The following IGF2R variants were observed in gnomAD, a reference collection of about 807,000 sequenced individuals.
IGF2R encodes insulin like growth factor 2 receptor.
A neutral mutation model predicts 270.6 loss-of-function variants in IGF2R; 91 were observed. That is an observed-to-expected ratio of 0.34 (90% CI 0.28 to 0.40). The LOEUF (loss-of-function observed/expected upper bound fraction) is 0.40. Ranked by LOEUF, IGF2R falls within the 10% of genes least tolerant of loss-of-function variation. The pLI is 1.00. For synonymous variants in IGF2R, 1,316 were observed against 1,258.9 expected (o/e 1.05, Z -0.96); for missense variants, 2,805 against 3,188.3 (o/e 0.88, Z 2.90).
At chr6:160,048,075 C>T (rs1390369912) in intron 17 of IGF2R, among the ~76,000 whole-genome samples, 168 bp downstream of exon 17, 1 of 152,168 alleles carries the variant, frequency 6.6e-6, no homozygotes, top group Non-Finnish European at 1.5e-5. Context: ...ACTGTCTGGT[C>T]GCCTTTGGGA....
intron 5 of IGF2R, among the ~76,000 whole-genome samples, chr6:160,026,126 C>A (rs1024921259): frequency 6.6e-6 from 1 of 152,150 alleles, no homozygotes; most frequent in Non-Finnish European, 1.5e-5. Context: ...ATCCTCAGGG[C>A]GCTTGCTGTG....
intron 44 of IGF2R, among the ~76,000 whole-genome samples, chr6:160,092,537 G>T (rs964113320): frequency 2.6e-5 from 4 of 152,268 alleles, no homozygotes; most frequent in East Asian, 3.8e-4. Context: ...GCCCCAGGAA[G>T]TAGCTTTAGT....
chr6:160,003,168 T>C (rs1784156551), intron 2 of IGF2R: 1 of 152,364 alleles, frequency 6.6e-6, no homozygotes, highest in Admixed American at 6.5e-5. Flanking sequence ...CTGATTCTTG[T>C]ATGCACTCAC....
Position 160,090,102 on chromosome 6 carries a change from A to T in IGF2R, c.6654A>T (p.Gln2218His), listed in dbSNP as rs1268230836. 2 of 1,465,970 alleles carry T rather than the reference A, an allele frequency of 1.4e-6. No individual in the cohort carries two copies. The highest frequency in any genetic ancestry group is 2.9e-5 in the African/African-American group (2 of 69,092). The allele number at this position is 1,465,970 out of a possible 1,614,324, so 90.8% of individuals were successfully genotyped here. A position where few individuals can be genotyped will look rare whatever the true frequency, so the allele number is the denominator to read the frequency against. The change falls in exon 44 of 48, where the codon CAA becomes CAT. Residue 2218 changes from glutamine (Q) to histidine (H), a missense_variant and splice_region_variant. Transcript: ENST00000356956. ...GTSDKTKYYL[Q>H]DGDLDVVFAS... ...CTGACAAGACCAAGTACTACCTTCA[A>T]GGTAATCCGTGGCTTCCCACAAAGT... is the stretch of plus-strand genomic sequence containing the variant.
chr6:160,017,551 A>G (rs1056189508), intron 4 of IGF2R, among the ~76,000 whole-genome samples: 3 of 152,212 alleles, frequency 2.0e-5, no homozygotes, highest in Admixed American at 1.3e-4. Context: ...CTTCACCACA[A>G]CATATAGCCA....
intron 36 of IGF2R, among the ~76,000 whole-genome samples, chr6:160,076,725 T>C (rs1435216810): frequency 6.6e-6 from 1 of 152,236 alleles, no homozygotes; most frequent in East Asian, 1.9e-4. Flanking sequence ...CTCTGAAAAC[T>C]TGGGGCTCCT....
rs1779583134 is a variant in IGF2R, at chr6:160,105,019, A to C, written c.7411A>C (p.Thr2471Pro). 1 of 1,613,086 alleles carries C rather than the reference A, an allele frequency of 6.2e-7. No individual in the cohort carries two copies. The highest frequency in any genetic ancestry group is 1.3e-5 in the African/African-American group (1 of 74,916). ...GAAGTCCAGCTCTGCACAGCAGAAG[A>C]CAGTGAGCTCCACCAAGCTGGTGTC... ...KGKSSSAQQK[T>P]VSSTKLVSFH... Residue 2471 changes from threonine (T) to proline (P), a missense_variant, in exon 48 of 48, where the codon ACA becomes CCA. Physicochemically the swap from Thr to Pro is conservative, Grantham distance 38 (BLOSUM62 -1). Around this residue, in one of 2 missense-constraint regions of IGF2R, gnomAD observed 1,851 missense variants for 2,207.2 expected, o/e 0.84. Transcript: ENST00000356956.
intron 1 of IGF2R, among the ~76,000 whole-genome samples, chr6:159,969,749 A>G (rs1209948157): frequency 6.6e-6 from 1 of 152,178 alleles, no homozygotes; most frequent in Non-Finnish European, 1.5e-5. Flanking sequence ...AGTTGGAGGC[A>G]GGAACTCCAG....
At chr6:160,008,396 C>T (rs1432439286) in intron 2 of IGF2R, among the ~76,000 whole-genome samples, 1 of 152,128 alleles carries the variant, frequency 6.6e-6, no homozygotes, top group Non-Finnish European at 1.5e-5. Flanking sequence ...CGATTGGTCT[C>T]TATTCTAGTC....
intron 28 of IGF2R, 97 bp downstream of exon 28, chr6:160,064,628 C>A: frequency 7.2e-7 from 1 of 1,383,908 alleles, no homozygotes; most frequent in Non-Finnish European, 1.0e-6. Context: ...CTCATCAAAT[C>A]TCCTGGTTAA....
intron 1 of IGF2R, among the ~76,000 whole-genome samples, chr6:159,972,534 C>G (rs946610058): frequency 1.3e-5 from 2 of 152,138 alleles, no homozygotes; most frequent in African/African-American, 2.4e-5. Flanking sequence ...GGAAAACTAC[C>G]TCTCCTCCCA....
In IGF2R at chr6:160,090,082, A is replaced by G. The variant is rs371139566; in HGVS notation, c.6634A>G (p.Lys2212Glu). The change falls in exon 44 of 48, where the codon AAG (lysine) becomes GAG (glutamate). Residue 2212 changes from lysine to glutamate, a missense_variant. Physicochemically the swap from Lys to Glu is moderately conservative, Grantham distance 56. Coordinates refer to ENST00000356956, the MANE Select transcript of IGF2R (RefSeq NM_000876.4). Reference protein sequence around the residue: ...HFSRKVGTSDKTKYYLQDGDL... With the variant: ...HFSRKVGTSDETKYYLQDGDL... ...CAGTCGGAAAGTTGGAACCTCTGAC[A>G]AGACCAAGTACTACCTTCAAGGTAA... 5 of 1,562,602 alleles carry G rather than the reference A, an allele frequency of 3.2e-6. No individual in the cohort carries two copies. The African/African-American group carries it at 5.5e-5, about 17-fold the overall frequency.
At chr6:160,031,407 A>G (rs1482537263) in intron 7 of IGF2R, among the ~76,000 whole-genome samples, 1 of 151,992 alleles carries the variant, frequency 6.6e-6, no homozygotes, top group East Asian at 1.9e-4. Flanking sequence ...GAACTGTGCA[A>G]CCATCATCAC....
At chr6:160,051,084 A>G (rs1388015807) in intron 19 of IGF2R, among the ~76,000 whole-genome samples, 1 of 152,184 alleles carries the variant, frequency 6.6e-6, no homozygotes, top group East Asian at 1.9e-4. Flanking sequence ...GAGAAAAGAC[A>G]TTAAAATTTT....
rs761551519 is a variant in IGF2R, at chr6:160,068,061, GGGGGGT to G, written c.4116-186_4116-181del. 1.6e-3 allele frequency among the ~76,000 whole-genome samples: 61 copies of G among 39,126 alleles called. 1 individual carries two copies. Among genetic ancestry groups the G allele is most frequent in the African/African-American group, 4.1e-3 (48 of 11,716 alleles). 25.7% of individuals were successfully genotyped at this position (39,126 alleles called of 152,430 possible). ...AAGTTATGTTGTTGCTGATTCTGATGGGGGGTGTGTGTGTGTGTGTGTGTGTGTGTG... is the reference window on the plus strand; with the variant it reads ...AAGTTATGTTGTTGCTGATTCTGATGGTGTGTGTGTGTGTGTGTGTGTGTG... On this transcript the variant is annotated intron_variant, in intron 29 of 47. Transcript: ENST00000356956.
intron 25 of IGF2R, 77 bp downstream of exon 25, chr6:160,062,005 CTA>C: frequency 7.1e-7 from 1 of 1,399,236 alleles, no homozygotes; most frequent in South Asian, 1.3e-5. Flanking sequence ...TCTGAATCTT[CTA>C]TCTTGTTTAA....
Position 160,073,923 on chromosome 6 carries a change from C to G in IGF2R, c.5114C>G (p.Pro1705Arg). 2 of 1,614,102 alleles carry G rather than the reference C, an allele frequency of 1.2e-6. No homozygotes were observed. The highest frequency in any genetic ancestry group is 1.7e-6 in the Non-Finnish European group (2 of 1,179,990). ...CCACTAAATCCCATGCACGGAGTGC[C>G]CTGTCCTGCCGGAGCCGCTGTGTGC... is the stretch of plus-strand genomic sequence containing the variant. The part of the protein sequence containing the change: ...CQPLNPMHGV[P>R]CPAGAAVCKV... The change falls in exon 35 of 48, where the codon CCC becomes CGC. Residue 1705 changes from proline (P) to arginine (R), a missense_variant. Pro to Arg is a moderately radical substitution (Grantham distance 103, BLOSUM62 -2). Around this residue, in one of 2 missense-constraint regions of IGF2R, gnomAD observed 1,851 missense variants for 2,207.2 expected, o/e 0.84. Transcript: ENST00000356956.
intron 29 of IGF2R, among the ~76,000 whole-genome samples, chr6:160,065,814 G>GTGTGTATGTATATATATATA: frequency 1.4e-4 from 11 of 78,384 alleles, no homozygotes; most frequent in Middle Eastern, 6.2e-3. Context: ...GTGTGTGTGT[G>GTGTGTATGTATATATATATA]TATATATATA....
intron 31 of IGF2R, 64 bp downstream of exon 31, chr6:160,070,122 G>A (rs1426773258): frequency 6.1e-6 from 9 of 1,481,546 alleles, no homozygotes; most frequent in Admixed American, 3.5e-5. Flanking sequence ...TGTGCAGGGC[G>A]GTGAGCCGCA....
Sources: allele counts gnomAD v4.1 joint callset (sites outside exome capture counted in the v4.1 genomes callset), GRCh38; gene constraint gnomAD v4.1.1; regional missense constraint gnomAD v4.1.1; transcripts MANE v1.5; gene names NCBI Gene and HGNC (gene_info 2026-07-23, HGNC 2026-07-21).